The following LRRC8D variants were observed in gnomAD, a reference collection of about 807,000 sequenced individuals.
LRRC8D encodes the protein volume-regulated anion channel subunit LRRC8D.
LRRC8D carries 20 observed loss-of-function variants against 55.8 expected under a neutral mutation model. The ratio of observed to expected loss-of-function variants is 0.36; its 90% CI spans 0.25 to 0.52. LRRC8D has a LOEUF of 0.52. Among genes scored for constraint, LRRC8D ranks in the 20% least tolerant of loss-of-function variants. The pLI, the probability that LRRC8D is intolerant of heterozygous loss-of-function variation, is 0.93. For synonymous variants in LRRC8D, 352 were observed against 377.0 expected, an observed-to-expected ratio of 0.93 and a Z score of 0.77; for missense variants, 651 against 1,030.8, an observed-to-expected ratio of 0.63 and a Z score of 5.05.
At chr1:89,883,498 C>T (rs760038876) in intron 2 of LRRC8D, among the ~76,000 whole-genome samples, 1 of 152,116 alleles carries the variant, frequency 6.6e-6, no homozygotes, top group Admixed American at 6.5e-5. Context: ...AGGAGATGAA[C>T]AGCACATCTC....
intron 1 of LRRC8D, among the ~76,000 whole-genome samples, chr1:89,823,766 C>T (rs1278674951): frequency 6.6e-6 from 1 of 152,112 alleles, no homozygotes; most frequent in Non-Finnish European, 1.5e-5. Context: ...AAGACAGGCA[C>T]ACATGAGGAT....
chr1:89,884,194 C>T (rs556619760), intron 2 of LRRC8D, among the ~76,000 whole-genome samples: 2 of 152,244 alleles, frequency 1.3e-5, no homozygotes, highest in South Asian at 2.1e-4. Flanking sequence ...ATCCTTAATG[C>T]GTGAACAGAG....
Position 89,935,066 on chromosome 1 carries a change from G to A in LRRC8D, c.1998G>A (p.Lys666=), listed in dbSNP as rs764265538. The A allele has an allele frequency of 1.9e-6, 3 of 1,614,156 alleles. No individual in the cohort carries two copies. The highest frequency in any genetic ancestry group is 2.2e-5 in the East Asian group (1 of 44,888). The part of the protein sequence containing the change: ...SLSNLQELDL[K]SNNIRTIEEI... ...CTAATTTACAGGAACTGGATTTAAA[G>A]TCCAATAACATTCGCACAATTGAGG... is the stretch of plus-strand genomic sequence containing the variant. The change falls in exon 3 of 3, where the codon AAG becomes AAA. Residue 666 remains lysine (K), a synonymous_variant. Transcript: ENST00000337338.
intron 2 of LRRC8D, among the ~76,000 whole-genome samples, chr1:89,882,196 A>G (rs548373569): frequency 1.3e-4 from 20 of 152,344 alleles, no homozygotes; most frequent in East Asian, 5.8e-4. Flanking sequence ...AACAGTAGCT[A>G]TGGCTATTTA....
At chr1:89,900,693 C>T (rs1662827849) in intron 2 of LRRC8D, among the ~76,000 whole-genome samples, 1 of 152,152 alleles carries the variant, frequency 6.6e-6, no homozygotes, top group Non-Finnish European at 1.5e-5. Context: ...AGAGTTGGTC[C>T]ACAGAGCACT....
At chr1:89,918,247 G>C (rs777526659) in intron 2 of LRRC8D, among the ~76,000 whole-genome samples, 1 of 152,158 alleles carries the variant, frequency 6.6e-6, no homozygotes, top group African/African-American at 2.4e-5. Flanking sequence ...AATGTTGATA[G>C]GTTTATTTAT....
chr1:89,834,867 A>T (rs1660968715), intron 1 of LRRC8D, among the ~76,000 whole-genome samples: 2 of 152,054 alleles, frequency 1.3e-5, no homozygotes, highest in Admixed American at 1.3e-4. Flanking sequence ...TGCTGCTGGG[A>T]TGGAGTGAGG....
intron 1 of LRRC8D, among the ~76,000 whole-genome samples, chr1:89,836,972 T>C (rs1661018336): frequency 1.3e-5 from 2 of 152,236 alleles, no homozygotes; most frequent in South Asian, 4.1e-4. Context: ...CTAGTAGATG[T>C]AGCCAGTGTT....
At chr1:89,923,898 C>T (rs139945021) in intron 2 of LRRC8D, among the ~76,000 whole-genome samples, 1 of 152,176 alleles carries the variant, frequency 6.6e-6, no homozygotes, top group Non-Finnish European at 1.5e-5. Context: ...GAAACTGGAC[C>T]CCGTCCTTTC....
chr1:89,934,989 G>A lies in LRRC8D; in HGVS notation c.1921G>A (p.Glu641Lys). The A allele has an allele frequency of 6.2e-7, 1 of 1,614,114 alleles. No homozygotes were observed. The highest frequency in any genetic ancestry group is 8.5e-7 in the Non-Finnish European group (1 of 1,180,040). Reference sequence around the variant, plus strand: ...GAAAATGATGAATGTCGCTGAGCTGGAACTCCAGAACTGTGAGCTAGAGAG... The same window carrying A: ...GAAAATGATGAATGTCGCTGAGCTGAAACTCCAGAACTGTGAGCTAGAGAG... The part of the protein sequence containing the change: ...LKKMMNVAEL[E>K]LQNCELERIP... Residue 641 changes from glutamate to lysine, a missense_variant, in exon 3 of 3, where the codon GAA (glutamate) becomes AAA (lysine). Transcript: ENST00000337338. The surrounding 1 kb of genome is among the most constrained non-coding windows in gnomAD (Gnocchi z 5.9).
chr1:89,936,370 A>G lies in LRRC8D; in HGVS notation c.*725A>G. ...TGATTATATGGTACATTTTTCTACC[A>G]GTAATATAGGGTTGCCAATAAATAG... On this transcript the variant is annotated 3_prime_UTR_variant, in exon 3 of 3. Transcript: ENST00000337338. 1 of 167,002 alleles carries G rather than the reference A, an allele frequency of 6.0e-6. No individual in the cohort carries two copies. The allele number at this position is 167,002 out of a possible 1,614,324, so 10.3% of individuals were successfully genotyped here.
rs1466376622 is a variant in LRRC8D at position 89,911,173 on chromosome 1, TG to T, written c.-2-21890del. On this transcript the variant is annotated intron_variant, in intron 2 of 2. Coordinates refer to ENST00000337338, the MANE Select transcript of LRRC8D (RefSeq NM_001134479.2). The surrounding 1 kb of genome is among the most constrained non-coding windows in gnomAD (Gnocchi z 4.0). ...ACTCACTCATATGTCCATGCATTTT[TG>T]GGGTTTTTTTTTTTTTAGTTATATA... Among the ~76,000 whole-genome samples the T allele has an allele frequency of 3.6e-4, 53 of 147,676 alleles. No individual in the cohort carries two copies. The highest frequency in any genetic ancestry group is 7.0e-4 in the Non-Finnish European group (46 of 66,004).
chr1:89,932,005 G>A (rs899906510), intron 2 of LRRC8D, among the ~76,000 whole-genome samples: 2 of 152,164 alleles, frequency 1.3e-5, no homozygotes, highest in Non-Finnish European at 2.9e-5. Context: ...GAAACATTCA[G>A]TTCATGCACA....
chr1:89,931,512 G>T (rs1279667952), intron 2 of LRRC8D, among the ~76,000 whole-genome samples: 1 of 152,124 alleles, frequency 6.6e-6, no homozygotes, highest in Non-Finnish European at 1.5e-5. Context: ...TGTAATCCCA[G>T]CACTTTGGGA....
chr1:89,859,904 A>T (rs1661657112), intron 2 of LRRC8D, among the ~76,000 whole-genome samples: 1 of 152,250 alleles, frequency 6.6e-6, no homozygotes, highest in Non-Finnish European at 1.5e-5. Context: ...GTTAAATGAC[A>T]AAAATTACTT....
intron 1 of LRRC8D, among the ~76,000 whole-genome samples, chr1:89,830,545 G>A (rs936593327): frequency 5.3e-5 from 8 of 152,176 alleles, no homozygotes; most frequent in African/African-American, 1.4e-4. Flanking sequence ...AGTAGCCTGG[G>A]GGTCTTGAGC....
intron 2 of LRRC8D, among the ~76,000 whole-genome samples, chr1:89,907,963 A>T (rs916281702): frequency 2.6e-5 from 4 of 152,212 alleles, no homozygotes; most frequent in Non-Finnish European, 2.9e-5. Flanking sequence ...AGTGGCTTTC[A>T]TAACTCCCAG....
rs376379608 is a variant in LRRC8D at position 89,826,684 on chromosome 1, G to A, written c.-148+5393G>A. Among the ~76,000 whole-genome samples the A allele has an allele frequency of 6.0e-4, 91 of 152,294 alleles. 2 individuals are homozygous for A. Among genetic ancestry groups the A allele is most frequent in the African/African-American group, 2.1e-3 (89 of 41,558 alleles). On this transcript the variant is annotated intron_variant, in intron 1 of 2. Coordinates refer to ENST00000337338, the MANE Select transcript of LRRC8D (RefSeq NM_001134479.2). ...AGACCACAATAAAGGCTAAGGATCA[G>A]GATTTCTTCTCTGCTTAGAGGTGTG... is the stretch of plus-strand genomic sequence containing the variant.
intron 2 of LRRC8D, among the ~76,000 whole-genome samples, chr1:89,844,472 T>C (rs1353738918): frequency 6.6e-6 from 1 of 152,158 alleles, no homozygotes; most frequent in Non-Finnish European, 1.5e-5. Context: ...GTGTCTGGCT[T>C]GTTAACTCCA....
Sources: gnomAD v4.1 joint callset for allele counts (sites outside exome capture counted in the v4.1 genomes callset) on GRCh38, gnomAD v4.1.1 for gene constraint, Gnocchi (gnomAD v3.1) non-coding constraint, MANE v1.5 for transcripts, NCBI Gene and HGNC (gene_info 2026-07-23, HGNC 2026-07-21) for gene names.